TMEM114: variants seen among roughly 807,000 people sequenced by gnomAD.
TMEM114 encodes the protein transmembrane protein 114, also known as claudin-26.
A neutral mutation model predicts 6.2 loss-of-function variants in TMEM114; 6 were observed. The ratio of observed to expected loss-of-function variants is 0.97; its 90% CI spans 0.53 to 1.91. The LOEUF (loss-of-function observed/expected upper bound fraction) is 1.91, where lower values mean the gene tolerates loss of function less well. Ranked by LOEUF, TMEM114 falls within the 40% of genes most tolerant of loss-of-function variation. The pLI, the probability that TMEM114 is intolerant of heterozygous loss-of-function variation, is 0.01. For synonymous variants in TMEM114, 104 were observed against 73.0 expected (o/e 1.42, Z -2.16); for missense variants, 218 against 158.3 (o/e 1.38, Z -2.02).
At chr16:8,536,869 A>G (rs1900376116), downstream of TMEM114, among the ~76,000 whole-genome samples, 1 of 152,048 alleles carries the variant, frequency 6.6e-6, no homozygotes, top group South Asian at 2.1e-4. Flanking sequence ...AATAAAGATA[A>G]TATTTCCTTT....
At chr16:8,581,444 A>G (rs952306915) in intron 2 of TMEM114, among the ~76,000 whole-genome samples, 20 of 152,182 alleles carry the variant, frequency 1.3e-4, no homozygotes, top group African/African-American at 4.6e-4. Flanking sequence ...CATGGCCGAT[A>G]CTAAGAAGTG....
At chr16:8,545,565 C>T (rs1280674675) in intron 2 of TMEM114, among the ~76,000 whole-genome samples, 2 of 152,136 alleles carry the variant, frequency 1.3e-5, no homozygotes, top group Non-Finnish European at 2.9e-5. Flanking sequence ...CAGAACCACC[C>T]AGAGGGCTAC....
In TMEM114 at chr16:8,569,560, C is replaced by T. The variant is rs1901653314; in HGVS notation, c.*213G>A. The T allele has an allele frequency of 3.5e-6, 5 of 1,417,674 alleles. No homozygotes were observed. The South Asian group carries it at 6.3e-5, about 18-fold the overall frequency. The allele number at this position is 1,417,674 out of a possible 1,614,324, so 87.8% of individuals were successfully genotyped here. ...GGTTTGGCACTCCCTCGGGCTCCTC[C>T]AGGCCACACGGACACACACGGACAT... On this transcript the variant is annotated 3_prime_UTR_variant, in exon 4 of 4. Transcript: ENST00000620492.
chr16:8,554,967 G>A (rs1197425186), intron 2 of TMEM114, among the ~76,000 whole-genome samples: 3 of 152,194 alleles, frequency 2.0e-5, no homozygotes, highest in African/African-American at 4.8e-5. Flanking sequence ...AGAAGTAAAC[G>A]TGGAAATATG....
downstream of TMEM114, among the ~76,000 whole-genome samples, chr16:8,534,948 A>T (rs771129694): frequency 6.6e-6 from 1 of 152,236 alleles, no homozygotes; most frequent in Non-Finnish European, 1.5e-5. Context: ...AGTTCAGAGA[A>T]CAGCTACTCC....
chr16:8,528,926 A>G, the TMEM114 span, among the ~76,000 whole-genome samples: 3 of 152,174 alleles, frequency 2.0e-5, no homozygotes, highest in African/African-American at 7.2e-5. Flanking sequence ...ATTGTTTGCC[A>G]TCCTCCTGGA....
the TMEM114 span, among the ~76,000 whole-genome samples, chr16:8,531,009 G>A: frequency 6.6e-6 from 1 of 152,074 alleles, no homozygotes; most frequent in African/African-American, 2.4e-5. Flanking sequence ...AAGCAGCAGA[G>A]TGAGACTCTG....
downstream of TMEM114, among the ~76,000 whole-genome samples, chr16:8,567,677 G>T (rs1345513485): frequency 6.6e-6 from 1 of 152,158 alleles, no homozygotes; most frequent in African/African-American, 2.4e-5. Flanking sequence ...GTCAGGTGGG[G>T]GAGAGAATCG....
intron 2 of TMEM114, among the ~76,000 whole-genome samples, chr16:8,564,327 T>A (rs1316584577): frequency 1.5e-5 from 2 of 132,400 alleles, no homozygotes; most frequent in Non-Finnish European, 3.2e-5. Context: ...ATGAGTGAGT[T>A]AGAGAATGAG....
rs558635019 is a variant in TMEM114, at chr16:8,584,412, G to A, written c.301+4801C>T. The stretch of plus-strand genomic sequence containing the variant: ...TCCCTAGCCCAAGAAACAAACCCAC[G>A]ACTTCCCCAGAGCTAACCTGGAAGA... On this transcript the variant is annotated intron_variant, in intron 2 of 3. Coordinates refer to ENST00000620492, the MANE Select transcript of TMEM114 (RefSeq NM_001146336.2). Among the ~76,000 whole-genome samples the A allele has an allele frequency of 1.2e-4, 19 of 152,112 alleles. 1 individual carries two copies. The South Asian group carries it at 4.0e-3, about 32-fold the overall frequency.
chr16:8,539,145 G>A (rs891160476), intron 2 of TMEM114, among the ~76,000 whole-genome samples: 2 of 152,142 alleles, frequency 1.3e-5, no homozygotes, highest in African/African-American at 4.8e-5. Context: ...GCATTGCCAT[G>A]GAACATGTGA....
chr16:8,579,797 A>G (rs1318299536), intron 2 of TMEM114, among the ~76,000 whole-genome samples: 2 of 152,002 alleles, frequency 1.3e-5, no homozygotes, highest in East Asian at 1.9e-4. Flanking sequence ...TATATCAACT[A>G]CCCCAAGAGC....
intron 2 of TMEM114, among the ~76,000 whole-genome samples, chr16:8,551,415 A>G (rs188604494): frequency 3.9e-5 from 6 of 152,328 alleles, no homozygotes; most frequent in Admixed American, 1.3e-4. Flanking sequence ...CCTTCTCTAC[A>G]CTGTTATAGT....
chr16:8,542,275 T>C (rs1027158287), intron 2 of TMEM114, among the ~76,000 whole-genome samples: 1 of 152,236 alleles, frequency 6.6e-6, no homozygotes, highest in African/African-American at 2.4e-5. Flanking sequence ...GAACCTCTAC[T>C]GAAGTGTTCT....
At chr16:8,536,751 G>T (rs1258869016), downstream of TMEM114, among the ~76,000 whole-genome samples, 5 of 151,862 alleles carry the variant, frequency 3.3e-5, no homozygotes, top group Admixed American at 3.3e-4. Flanking sequence ...GAAAAGGGGA[G>T]GACTCCCAGT....
downstream of TMEM114, among the ~76,000 whole-genome samples, chr16:8,533,310 C>T (rs1024334726): frequency 6.6e-6 from 1 of 152,152 alleles, no homozygotes; most frequent in Non-Finnish European, 1.5e-5. Flanking sequence ...CATGAAGAAG[C>T]CAGCCGTGGG....
chr16:8,572,288 A>G, intron 2 of TMEM114, 64 bp from the exon 3 acceptor site: 1 of 1,539,112 alleles, frequency 6.5e-7, no homozygotes, highest in Non-Finnish European at 8.8e-7. Flanking sequence ...TTCAATCAAC[A>G]AACACTTCCC....
chr16:8,572,243 G>A lies in TMEM114; in HGVS notation c.302-19C>T, dbSNP rs1243581260. ...TGCATGGCTTAGAAGAGACAGAGAGGATACCAGGCAGAGGACAGTTACTAA... is the reference window on the plus strand; with the variant it reads ...TGCATGGCTTAGAAGAGACAGAGAGAATACCAGGCAGAGGACAGTTACTAA... On this transcript the variant is annotated intron_variant, in intron 2 of 3. Coordinates refer to ENST00000620492, the MANE Select transcript of TMEM114 (RefSeq NM_001146336.2). The A allele has an allele frequency of 6.4e-7, 1 of 1,551,474 alleles. No homozygotes were observed. The highest frequency in any genetic ancestry group is 8.7e-7 in the Non-Finnish European group (1 of 1,146,918).
intron 2 of TMEM114, among the ~76,000 whole-genome samples, chr16:8,551,852 CT>C (rs1485739221): frequency 6.6e-6 from 1 of 152,178 alleles, no homozygotes; most frequent in Non-Finnish European, 1.5e-5. Flanking sequence ...ATGTCCTTCA[CT>C]AGGTTATTGG....
Sources: allele counts gnomAD v4.1 joint callset (sites outside exome capture counted in the v4.1 genomes callset), GRCh38; gene constraint gnomAD v4.1.1; transcripts MANE v1.5; gene names NCBI Gene and HGNC (gene_info 2026-07-23, HGNC 2026-07-21).